The following HCN1 variants were observed in gnomAD, a reference collection of about 807,000 sequenced individuals.
The protein encoded by HCN1 is hyperpolarization activated cyclic nucleotide gated potassium channel 1, also known as potassium/sodium hyperpolarization-activated cyclic nucleotide-gated channel 1.
A neutral mutation model predicts 78.9 loss-of-function variants in HCN1; 13 were observed. The ratio of observed to expected loss-of-function variants is 0.16; its 90% CI spans 0.11 to 0.26. The LOEUF is 0.26. Ranked by LOEUF, HCN1 falls within the 10% of genes least tolerant of loss-of-function variation. The pLI is 1.00. For synonymous variants in HCN1, 552 were observed against 455.5 expected (o/e 1.21, Z -2.70); for missense variants, 810 against 1,154.3 (o/e 0.70, Z 4.32).
At chr5:45,374,036 A>G (rs1747516624) in intron 4 of HCN1, among the ~76,000 whole-genome samples, 2 of 105,732 alleles carry the variant, frequency 1.9e-5, no homozygotes, top group East Asian at 4.9e-4. Flanking sequence ...TATTATATAC[A>G]TAATATATAT....
chr5:45,645,685 A>G, intron 1 of HCN1, 77 bp from the exon 2 acceptor site: 1 of 807,958 alleles, frequency 1.2e-6, no homozygotes, highest in East Asian at 2.6e-5. Context: ...ATTATTACTG[A>G]TATATAGTGA....
At chr5:45,295,972 A>C (rs1159713149) in intron 6 of HCN1, among the ~76,000 whole-genome samples, 1 of 151,984 alleles carries the variant, frequency 6.6e-6, no homozygotes, top group Non-Finnish European at 1.5e-5. Context: ...TTGATGTCTA[A>C]AACTGCATGT....
In HCN1 at chr5:45,678,170, A is replaced by G. The variant is rs185965798; in HGVS notation, c.425+17499T>C. Reference sequence around the variant, plus strand: ...CAAATAAGTGATGGCTACTTATGAAATAATTATTTTGGATGCAGTGATTCC... The same window carrying G: ...CAAATAAGTGATGGCTACTTATGAAGTAATTATTTTGGATGCAGTGATTCC... On this transcript the variant is annotated intron_variant, in intron 1 of 7. Coordinates refer to ENST00000303230, the MANE Select transcript of HCN1 (RefSeq NM_021072.4). Among the ~76,000 whole-genome samples, 260 of 152,004 alleles carry G rather than the reference A, an allele frequency of 1.7e-3. 1 individual carries two copies. Among genetic ancestry groups the G allele is most frequent in the African/African-American group, 6.0e-3 (251 of 41,526 alleles).
chr5:45,626,245 A>T (rs1383474768), intron 2 of HCN1, among the ~76,000 whole-genome samples: 1 of 152,192 alleles, frequency 6.6e-6, no homozygotes, highest in Non-Finnish European at 1.5e-5. Flanking sequence ...ACAAATAAAC[A>T]TCTAATAATG....
chr5:45,377,207 C>G (rs1458836294), intron 4 of HCN1, among the ~76,000 whole-genome samples: 1 of 151,776 alleles, frequency 6.6e-6, no homozygotes, highest in Non-Finnish European at 1.5e-5. Flanking sequence ...ACTGCTCAAA[C>G]AAAAATGGAC....
intron 2 of HCN1, among the ~76,000 whole-genome samples, chr5:45,463,659 T>C (rs1741210443): frequency 6.6e-6 from 1 of 152,038 alleles, no homozygotes; most frequent in South Asian, 2.1e-4. Flanking sequence ...GAAACTCTAC[T>C]AACAATTTCA....
intron 3 of HCN1, among the ~76,000 whole-genome samples, chr5:45,425,781 T>G (rs534610166): frequency 6.6e-6 from 1 of 152,254 alleles, no homozygotes; most frequent in East Asian, 1.9e-4. Flanking sequence ...TTAAGAGATT[T>G]TACCGACAGA....
chr5:45,416,011 T>C (rs973090990), intron 3 of HCN1, among the ~76,000 whole-genome samples: 5 of 151,992 alleles, frequency 3.3e-5, no homozygotes, highest in Non-Finnish European at 7.4e-5. Flanking sequence ...CTCCTTAAGA[T>C]TCAGGGTATT....
chr5:45,646,687 A>T (rs981007639), intron 1 of HCN1, among the ~76,000 whole-genome samples: 2 of 152,182 alleles, frequency 1.3e-5, no homozygotes, highest in African/African-American at 4.8e-5. Context: ...AAATTAACTA[A>T]ATTCACTTGA....
At chr5:45,409,925 T>C (rs1304300036) in intron 3 of HCN1, among the ~76,000 whole-genome samples, 2 of 151,892 alleles carry the variant, frequency 1.3e-5, no homozygotes, top group African/African-American at 4.8e-5. Context: ...CTTAAGGTCA[T>C]GGAAAACATT....
chr5:45,646,367 C>CTTTTTTTT (rs201964510), intron 1 of HCN1, among the ~76,000 whole-genome samples: 207 of 123,432 alleles, frequency 1.7e-3, no homozygotes, highest in East Asian at 2.8e-3. Flanking sequence ...TTCTTTCTTT[C>CTTTTTTTT]TTTTTTTTTT....
At chr5:45,643,258 CCAT>C (rs1276082423) in intron 2 of HCN1, 5 of 151,970 alleles carry the variant, frequency 3.3e-5, no homozygotes, top group African/African-American at 1.2e-4. Context: ...TGATAGGATG[CCAT>C]CTGTTCATCC....
chr5:45,481,388 T>C (rs953602670), intron 2 of HCN1, among the ~76,000 whole-genome samples: 9 of 152,212 alleles, frequency 5.9e-5, no homozygotes, highest in Admixed American at 2.6e-4. Flanking sequence ...ATGGCTCCTT[T>C]GCATTTTTTC....
At chr5:45,585,747 G>A (rs537362306) in intron 2 of HCN1, among the ~76,000 whole-genome samples, 117 of 152,190 alleles carry the variant, frequency 7.7e-4, no homozygotes, top group African/African-American at 2.4e-3. Flanking sequence ...TCTAACAGTC[G>A]GGACCCTCAG....
Position 45,633,075 on chromosome 5 carries a change from G to C in HCN1, c.849+12110C>G, listed in dbSNP as rs941706532. 5.9e-5 allele frequency among the ~76,000 whole-genome samples: 9 copies of C among 151,938 alleles called. 1 individual carries two copies. Among genetic ancestry groups the C allele is most frequent in the African/African-American group, 2.2e-4 (9 of 41,398 alleles). ...GCATCCATACTACAAGAAAAAGAGA[G>C]AGAGAGGAACTAGGTTCACTTTTTG... is the stretch of plus-strand genomic sequence containing the variant. On this transcript the variant is annotated intron_variant, in intron 2 of 7. Coordinates refer to ENST00000303230, the MANE Select transcript of HCN1 (RefSeq NM_021072.4).
At chr5:45,559,288 T>C (rs1743547456) in intron 2 of HCN1, 1 of 152,112 alleles carries the variant, frequency 6.6e-6, no homozygotes, top group South Asian at 2.1e-4. Flanking sequence ...TTTTCAACTT[T>C]CAAGTCTCAT....
At chr5:45,544,213 T>A (rs1743161738) in intron 2 of HCN1, among the ~76,000 whole-genome samples, 1 of 152,064 alleles carries the variant, frequency 6.6e-6, no homozygotes, top group Non-Finnish European at 1.5e-5. Context: ...TAAAAAATAA[T>A]GTATGTACAG....
chr5:45,462,173 T>G (rs1339913253), intron 2 of HCN1, among the ~76,000 whole-genome samples, 166 bp from the exon 3 acceptor site: 3 of 152,126 alleles, frequency 2.0e-5, no homozygotes, highest in African/African-American at 7.2e-5. Context: ...ATTTTTACAA[T>G]AAGGTTGACA....
chr5:45,281,591 T>TA, intron 6 of HCN1, among the ~76,000 whole-genome samples: 1 of 133,486 alleles, frequency 7.5e-6, no homozygotes, highest in Non-Finnish European at 1.6e-5. Context: ...TTTTTTTTTT[T>TA]TTTTTTTTTT....
Sources: allele counts gnomAD v4.1 joint callset (sites outside exome capture counted in the v4.1 genomes callset), GRCh38; gene constraint gnomAD v4.1.1; transcripts MANE v1.5; gene names NCBI Gene and HGNC (gene_info 2026-07-23, HGNC 2026-07-21).